The following APBB2 variants were observed in gnomAD, a reference collection of about 807,000 sequenced individuals.
The protein encoded by APBB2 is amyloid beta precursor protein binding family B member 2.
Under a neutral mutation model 82.5 loss-of-function variants are expected in APBB2, and 38 were observed. The ratio of observed to expected loss-of-function variants is 0.46; its 90% CI spans 0.36 to 0.60. The LOEUF (loss-of-function observed/expected upper bound fraction) is 0.60. Among genes scored for constraint, APBB2 ranks in the 20% least tolerant of loss-of-function variants. The pLI, the probability that APBB2 is intolerant of heterozygous loss-of-function variation, is 0.00. For synonymous variants in APBB2, 341 were observed against 368.2 expected (o/e 0.93, Z 0.85); for missense variants, 772 against 972.3 (o/e 0.79, Z 2.74).
chr4:41,142,669 G>T (rs916655854), intron 2 of APBB2, among the ~76,000 whole-genome samples: 7 of 152,216 alleles, frequency 4.6e-5, no homozygotes, highest in Non-Finnish European at 8.8e-5. Flanking sequence ...GACCATTGAA[G>T]TTGGCATAGG....
At chr4:40,836,758 GACCCTT>G (rs1754096768) in intron 12 of APBB2, among the ~76,000 whole-genome samples, 2 of 152,198 alleles carry the variant, frequency 1.3e-5, no homozygotes, top group Admixed American at 6.5e-5. Context: ...TGGCCTCCTG[GACCCTT>G]ACCTGGGAGA....
chr4:41,081,813 T>G (rs1295906520), intron 3 of APBB2, among the ~76,000 whole-genome samples: 6 of 152,206 alleles, frequency 3.9e-5, no homozygotes, highest in African/African-American at 1.4e-4. Context: ...AGAATTAAAA[T>G]TGCATTGATC....
chr4:41,057,376 G>A (rs138662957), intron 4 of APBB2, among the ~76,000 whole-genome samples: 74 of 152,286 alleles, frequency 4.9e-4, no homozygotes, highest in African/African-American at 1.5e-3. Context: ...ACTTGAATTC[G>A]GGAGGCAGAG....
chr4:40,900,863 T>C (rs550973332), intron 10 of APBB2, among the ~76,000 whole-genome samples: 3 of 151,934 alleles, frequency 2.0e-5, no homozygotes, highest in Non-Finnish European at 4.4e-5. Flanking sequence ...TCAACAAATA[T>C]TTATGACACC....
intron 6 of APBB2, among the ~76,000 whole-genome samples, chr4:40,974,265 A>G (rs1251130177): frequency 1.3e-5 from 2 of 152,210 alleles, no homozygotes; most frequent in African/African-American, 4.8e-5. Context: ...TCAGACTTAT[A>G]GGTACCAGAG....
At chr4:40,817,972 C>T (rs1003851584) in intron 17 of APBB2, among the ~76,000 whole-genome samples, 1 of 152,156 alleles carries the variant, frequency 6.6e-6, no homozygotes, top group South Asian at 2.1e-4. Context: ...ATAGTAGTCA[C>T]GTACATCCAG....
intron 3 of APBB2, among the ~76,000 whole-genome samples, chr4:41,068,169 A>G (rs1352179183): frequency 6.6e-6 from 1 of 152,180 alleles, no homozygotes; most frequent in East Asian, 1.9e-4. Context: ...ATCTACCTAT[A>G]CTATGTTTTT....
In APBB2 at chr4:41,120,172, C is replaced by T. The variant is rs190304865; in HGVS notation, c.-260-19422G>A. ...GCCAGCTGTGTTTTCACTCTCTCCA[C>T]CAGAAAGACAGGATCCCTCTCATTT... On this transcript the variant is annotated intron_variant, in intron 2 of 17. Transcript: ENST00000508593. 1.2e-4 allele frequency among the ~76,000 whole-genome samples: 18 copies of T among 152,254 alleles called. No individual in the cohort carries two copies. In the East Asian group the frequency reaches 3.5e-3, roughly 29 times the overall value.
intron 5 of APBB2, among the ~76,000 whole-genome samples, chr4:41,025,725 C>A (rs926931290): frequency 1.3e-5 from 2 of 151,708 alleles, no homozygotes; most frequent in South Asian, 4.2e-4. Flanking sequence ...TTGAGACCAG[C>A]CTGGCCAACA....
At chr4:41,023,182 C>T (rs1268576576) in intron 5 of APBB2, among the ~76,000 whole-genome samples, 1 of 152,132 alleles carries the variant, frequency 6.6e-6, no homozygotes, top group Non-Finnish European at 1.5e-5. Flanking sequence ...TCATCAGTTG[C>T]AATCCTATCA....
At chr4:40,880,729 GGAAGTGCGA>G in intron 12 of APBB2, 1 of 985,368 alleles carries the variant, frequency 1.0e-6, no homozygotes, top group Non-Finnish European at 1.2e-6. Context: ...AGGACTCAGG[GGAAGTGCGA>G]GATGGAAGCT....
At chr4:40,829,218 G>A (rs925428295) in intron 13 of APBB2, among the ~76,000 whole-genome samples, 4 of 152,134 alleles carry the variant, frequency 2.6e-5, no homozygotes, top group Non-Finnish European at 5.9e-5. Flanking sequence ...GTCCTTGGCG[G>A]TCAAAGGACA....
At chr4:41,001,069 G>A (rs1805091069) in intron 6 of APBB2, among the ~76,000 whole-genome samples, 1 of 152,182 alleles carries the variant, frequency 6.6e-6, no homozygotes, top group Non-Finnish European at 1.5e-5. Flanking sequence ...TGCAGAGCTA[G>A]TCCATTACTG....
chr4:41,095,664 T>A (rs941946187), intron 3 of APBB2, among the ~76,000 whole-genome samples: 6 of 152,212 alleles, frequency 3.9e-5, no homozygotes, highest in Admixed American at 1.3e-4. Context: ...CACAGCTTGA[T>A]GACAAGTGTG....
At chr4:41,049,177 G>A (rs1295947773) in intron 4 of APBB2, among the ~76,000 whole-genome samples, 2 of 149,708 alleles carry the variant, frequency 1.3e-5, no homozygotes, top group Non-Finnish European at 3.0e-5. Flanking sequence ...TCTGAGATGT[G>A]GGGAGCGCCT....
intron 12 of APBB2, among the ~76,000 whole-genome samples, chr4:40,837,873 C>T (rs983907924): frequency 6.6e-6 from 1 of 152,244 alleles, no homozygotes; most frequent in Admixed American, 6.5e-5. Flanking sequence ...TTACTGAGCC[C>T]TGGTGTTTCC....
rs1020611317 is a variant in APBB2 at position 40,915,109 on chromosome 4, G to T, written c.1254+19347C>A. Among the ~76,000 whole-genome samples the T allele has an allele frequency of 9.2e-5, 14 of 152,306 alleles. No individual in the cohort carries two copies. The East Asian group carries it at 9.6e-4, about 10-fold the overall frequency. On this transcript the variant is annotated intron_variant, in intron 10 of 17. Transcript: ENST00000508593. ...CTTTATCCGACTCTTGTCCCCACTG[G>T]TTATTCCTTTGGCTTAAAGGCACAG...
At chr4:41,201,625 C>T (rs1776720120) in intron 1 of APBB2, among the ~76,000 whole-genome samples, 1 of 152,138 alleles carries the variant, frequency 6.6e-6, no homozygotes, top group Non-Finnish European at 1.5e-5. Flanking sequence ...GGGCACCCAC[C>T]TATATCCGTC....
chr4:40,899,750 C>A (rs1774728555), intron 10 of APBB2, among the ~76,000 whole-genome samples: 1 of 152,154 alleles, frequency 6.6e-6, no homozygotes, highest in South Asian at 2.1e-4. Context: ...GGTTTCTGTC[C>A]TTTTCCTTTC....
Sources: gnomAD v4.1 joint callset for allele counts (sites outside exome capture counted in the v4.1 genomes callset) on GRCh38, gnomAD v4.1.1 for gene constraint, MANE v1.5 for transcripts, NCBI Gene and HGNC (gene_info 2026-07-23, HGNC 2026-07-21) for gene names.